Variants in ALYREF observed in about 807,000 individuals in gnomAD.
ALYREF encodes Aly/REF export factor, also known as THO complex subunit 4.
ALYREF carries 1 observed loss-of-function variant against 25.2 expected under a neutral mutation model. The observed-to-expected ratio is 0.04, with a 90% CI of 0.01 to 0.19. The LOEUF (loss-of-function observed/expected upper bound fraction) is 0.19. Among genes scored for constraint, ALYREF ranks in the 10% least tolerant of loss-of-function variants. The pLI is 1.00. For missense variants in ALYREF, 328 were observed against 375.6 expected (o/e 0.87, Z 1.05); for synonymous variants, 193 against 153.5 (o/e 1.26, Z -1.90).
rs1489261258 is a variant in ALYREF, at chr17:81,890,597, T to C, written c.390+92A>G. The C allele has an allele frequency of 1.9e-6, 3 of 1,550,962 alleles. No homozygotes were observed. In the African/African-American group the frequency reaches 4.1e-5, roughly 21 times the overall value. On this transcript the variant is annotated intron_variant, in intron 2 of 5. Coordinates refer to ENST00000505490, the MANE Select transcript of ALYREF (RefSeq NM_005782.4). ...TCAGAGCTGGGAGGGCTCCCTTCGC[T>C]AAGGCGGGAAGGGGACTCAGGGCCA...
chr17:81,888,680 G>A lies in ALYREF; in HGVS notation c.539-97C>T. On this transcript the variant is annotated intron_variant, in intron 3 of 5. Coordinates refer to ENST00000505490, the MANE Select transcript of ALYREF (RefSeq NM_005782.4). This position sits in a 1 kb window ranked among gnomAD's most constrained non-coding sequence, Gnocchi z 5.8. ...TGGTCTCCATGCAAACACTGGAAAG[G>A]GCCTCTGTGCGTCTCAAATGCCCCC... is the stretch of plus-strand genomic sequence containing the variant. 5 of 1,527,342 alleles carry A rather than the reference G, an allele frequency of 3.3e-6. No individual in the cohort carries two copies. The highest frequency in any genetic ancestry group is 3.5e-6 in the Non-Finnish European group (4 of 1,130,362). The allele number at this position is 1,527,342 out of a possible 1,614,324, so 94.6% of individuals were successfully genotyped here. A position where few individuals can be genotyped will look rare whatever the true frequency, so the allele number is the denominator to read the frequency against.
In ALYREF at chr17:81,887,979, A is replaced by T; in HGVS notation, c.*152T>A. The stretch of plus-strand genomic sequence containing the variant: ...GAATTAAAAAAAAAAAAAAAGAAAA[A>T]AAAAAAACCTTTACATGAGTTTTTA... On this transcript the variant is annotated 3_prime_UTR_variant, in exon 6 of 6. Coordinates refer to ENST00000505490, the MANE Select transcript of ALYREF (RefSeq NM_005782.4). 1.1e-6 allele frequency: 1 copy of T among 936,994 alleles called. No homozygotes were observed. Among genetic ancestry groups the T allele is most frequent in the Non-Finnish European group, 1.5e-6 (1 of 669,034 alleles). The allele number at this position is 936,994 out of a possible 1,614,324, so 58.0% of individuals were successfully genotyped here. A position where few individuals can be genotyped will look rare whatever the true frequency, so the allele number is the denominator to read the frequency against.
At position 81,890,722 on chromosome 17, in the gene ALYREF, A is replaced by G. The variant is rs775928726; in HGVS notation, c.357T>C (p.Asn119=). 6.2e-7 allele frequency: 1 copy of G among 1,613,824 alleles called. No homozygotes were observed. The highest frequency in any genetic ancestry group is 8.5e-7 in the Non-Finnish European group (1 of 1,179,970). Residue 119 remains asparagine, a synonymous_variant, in exon 2 of 6, where the codon AAT becomes AAC. Coordinates refer to ENST00000505490, the MANE Select transcript of ALYREF (RefSeq NM_005782.4). ...CGGCGTCTGAGACTCCAAAATCCAG[A>G]TTGGACACCAGCAGTTTCCCACCTG... ...VETGGKLLVS[N]LDFGVSDADI...
intron 2 of ALYREF, among the ~76,000 whole-genome samples, chr17:81,890,339 C>T (rs1039067121): frequency 2.0e-5 from 3 of 152,136 alleles, no homozygotes; most frequent in Non-Finnish European, 2.9e-5. Context: ...TCACATTAAC[C>T]CACTAAGACA....
intron 2 of ALYREF, 32 bp from the exon 3 acceptor site, chr17:81,889,361 G>A (rs774454095): frequency 1.5e-5 from 24 of 1,607,360 alleles, no homozygotes; most frequent in Middle Eastern, 3.3e-4. Flanking sequence ...TGTCAGAAAA[G>A]CAACAAAACT....
chr17:81,890,724 T>C lies in ALYREF; in HGVS notation c.355A>G (p.Asn119Asp), dbSNP rs750225070. Residue 119 changes from asparagine to aspartate, a missense_variant, in exon 2 of 6, where the codon AAT becomes GAT. Coordinates refer to ENST00000505490, the MANE Select transcript of ALYREF (RefSeq NM_005782.4). ...VETGGKLLVS[N>D]LDFGVSDADI... Reference sequence around the variant, plus strand: ...GCGTCTGAGACTCCAAAATCCAGATTGGACACCAGCAGTTTCCCACCTGTC... The same window carrying C: ...GCGTCTGAGACTCCAAAATCCAGATCGGACACCAGCAGTTTCCCACCTGTC... 3 of 1,613,822 alleles carry C rather than the reference T, an allele frequency of 1.9e-6. No homozygotes were observed. The highest frequency in any genetic ancestry group is 2.5e-6 in the Non-Finnish European group (3 of 1,179,986).
rs1285442818 is a variant in ALYREF at position 81,890,327 on chromosome 17, T to C, written c.390+362A>G. ...CAAGATACATAAAGAAGATTCTTTTTCTCACATTAACCCACTAAGACAGGC... is the reference window on the plus strand; with the variant it reads ...CAAGATACATAAAGAAGATTCTTTTCCTCACATTAACCCACTAAGACAGGC... On this transcript the variant is annotated intron_variant, in intron 2 of 5. Coordinates refer to ENST00000505490, the MANE Select transcript of ALYREF (RefSeq NM_005782.4). 2.0e-5 allele frequency among the ~76,000 whole-genome samples: 3 copies of C among 152,106 alleles called. No homozygotes were observed. In the East Asian group the frequency reaches 5.8e-4, roughly 29 times the overall value.
chr17:81,888,245 G>A lies in ALYREF; in HGVS notation c.776C>T (p.Ala259Val). 6.2e-7 allele frequency: 1 copy of A among 1,611,870 alleles called. No homozygotes were observed. The highest frequency in any genetic ancestry group is 8.5e-7 in the Non-Finnish European group (1 of 1,178,998). Residue 259 changes from alanine to valine, a missense_variant, in exon 5 of 6, where the codon GCG becomes GTG. This residue lies in a region of ALYREF where 108 missense variants were observed against 110.5 expected (regional missense o/e 0.98). Transcript: ENST00000505490. This position sits in a 1 kb window ranked among gnomAD's most constrained non-coding sequence, Gnocchi z 5.8. ...GCTGGCTCCCCCGGGACTCACTCTC[G>A]CATTATAGGCGTCCAGCTGGGCATC... ...ELDAQLDAYNARMDTS is the reference protein window; with the variant it reads ...ELDAQLDAYNVRMDTS
chr17:81,889,395 A>T (rs2039472535), intron 2 of ALYREF, 66 bp from the exon 3 acceptor site: 8 of 1,581,838 alleles, frequency 5.1e-6, no homozygotes, highest in Non-Finnish European at 6.9e-6. Context: ...TGGCCCAGGG[A>T]CAGGCCCTGG....
At chr17:81,890,555 G>A (rs1264756257) in intron 2 of ALYREF, 134 bp downstream of exon 2, 23 of 1,356,412 alleles carry the variant, frequency 1.7e-5, no homozygotes, top group Non-Finnish European at 2.2e-5. Flanking sequence ...CTAGCACTGG[G>A]TCTGTCCTGC....
intron 2 of ALYREF, 54 bp from the exon 3 acceptor site, chr17:81,889,383 G>A (rs2039472362): frequency 3.8e-6 from 6 of 1,598,400 alleles, no homozygotes; most frequent in Non-Finnish European, 3.4e-6. Flanking sequence ...CGTTCCTTCT[G>A]GTGGCCCAGG....
Position 81,888,247 on chromosome 17 carries a change from A to G in ALYREF, c.774T>C (p.Asn258=), listed in dbSNP as rs770009324. The change falls in exon 5 of 6, where the codon AAT becomes AAC. Residue 258 remains asparagine, a synonymous_variant. Coordinates refer to ENST00000505490, the MANE Select transcript of ALYREF (RefSeq NM_005782.4). The surrounding 1 kb of genome is among the most constrained non-coding windows in gnomAD (Gnocchi z 5.8). ...EELDAQLDAY[N]ARMDTS is the part of the protein sequence containing the mutation. Reference sequence around the variant, plus strand: ...TGGCTCCCCCGGGACTCACTCTCGCATTATAGGCGTCCAGCTGGGCATCCA... The same window carrying G: ...TGGCTCCCCCGGGACTCACTCTCGCGTTATAGGCGTCCAGCTGGGCATCCA... The G allele has an allele frequency of 1.9e-6, 3 of 1,612,340 alleles. No individual in the cohort carries two copies. Among genetic ancestry groups the G allele is most frequent in the South Asian group, 1.1e-5 (1 of 91,072 alleles).
intron 2 of ALYREF, among the ~76,000 whole-genome samples, chr17:81,890,147 T>C (rs929214796): frequency 1.3e-5 from 2 of 152,112 alleles, no homozygotes; most frequent in African/African-American, 4.8e-5. Context: ...ATTTTTCTTT[T>C]TTTAAAAAAG....
chr17:81,889,086 C>T, intron 3 of ALYREF, 96 bp downstream of exon 3: 6 of 1,532,344 alleles, frequency 3.9e-6, no homozygotes, highest in Non-Finnish European at 5.3e-6. Context: ...GCAAAGTGTC[C>T]TCAGCCACAG....
Position 81,888,079 on chromosome 17 carries a change from G to A in ALYREF, c.*52C>T, listed in dbSNP as rs1484367107. 30 of 1,612,484 alleles carry A rather than the reference G, an allele frequency of 1.9e-5. No individual in the cohort carries two copies. Among genetic ancestry groups the A allele is most frequent in the Non-Finnish European group, 2.5e-5 (29 of 1,179,554 alleles). ...CCCCAGCCACCGCCCCCCAACCAGGGAGCAAGAGGAGACGCCTGGGTCCTG... is the reference window on the plus strand; with the variant it reads ...CCCCAGCCACCGCCCCCCAACCAGGAAGCAAGAGGAGACGCCTGGGTCCTG... On this transcript the variant is annotated 3_prime_UTR_variant, in exon 6 of 6. Transcript: ENST00000505490. This position sits in a 1 kb window ranked among gnomAD's most constrained non-coding sequence, Gnocchi z 5.8.
Position 81,891,040 on chromosome 17 carries a change from C to T in ALYREF, c.259-220G>A, listed in dbSNP as rs1202846776. ...GTTCCCTTAGACTAACTTCCCGCCGCCTGTGCCGCGCCCAGCGTCCCCTCC... is the reference window on the plus strand; with the variant it reads ...GTTCCCTTAGACTAACTTCCCGCCGTCTGTGCCGCGCCCAGCGTCCCCTCC... On this transcript the variant is annotated intron_variant, in intron 1 of 5. Transcript: ENST00000505490. 2.6e-5 allele frequency: 19 copies of T among 729,100 alleles called. No individual in the cohort carries two copies. The Middle Eastern group carries it at 1.2e-3, about 46-fold the overall frequency. 45.2% of individuals were successfully genotyped at this position (729,100 alleles called of 1,614,324 possible).
rs1335063790 is a variant in ALYREF at position 81,888,158 on chromosome 17, G to A, written c.781-13C>T. ...AACTGGTGTCCATCTGAAACACAGA[G>A]GAGAAAGAGGCTTGCATTCACAGGC... is the stretch of plus-strand genomic sequence containing the variant. On this transcript the variant is annotated splice_polypyrimidine_tract_variant and intron_variant, in intron 5 of 5. Coordinates refer to ENST00000505490, the MANE Select transcript of ALYREF (RefSeq NM_005782.4). This position sits in a 1 kb window ranked among gnomAD's most constrained non-coding sequence, Gnocchi z 5.8. 8 of 1,614,000 alleles carry A rather than the reference G, an allele frequency of 5.0e-6. No homozygotes were observed. The highest frequency in any genetic ancestry group is 5.1e-6 in the Non-Finnish European group (6 of 1,180,030).
In ALYREF at chr17:81,891,476, G is replaced by A. The variant is rs1567864182; in HGVS notation, c.105C>T (p.Gly35=). Residue 35 remains glycine (G), a synonymous_variant, in exon 1 of 6, where the codon GGC becomes GGT. Transcript: ENST00000505490. ...CGCCCTGGGAGCCGGCCCGGCCGCG[G>A]CCCCGGCCCCCGCCCCGGCCGCCTC... ...SQRGGRGGGR[G]RGRAGSQGGR... is the part of the protein sequence containing the mutation. The A allele has an allele frequency of 8.4e-7, 1 of 1,184,224 alleles. No individual in the cohort carries two copies. The highest frequency in any genetic ancestry group is 2.0e-5 in the South Asian group (1 of 50,044). 73.4% of individuals were successfully genotyped at this position (1,184,224 alleles called of 1,614,324 possible). A position where few individuals can be genotyped will look rare whatever the true frequency, so the allele number is the denominator to read the frequency against.
Position 81,888,225 on chromosome 17 carries a change from C to T in ALYREF, c.780+16G>A, listed in dbSNP as rs1441582304. The T allele has an allele frequency of 6.2e-7, 1 of 1,613,594 alleles. No homozygotes were observed. Among genetic ancestry groups the T allele is most frequent in the Non-Finnish European group, 8.5e-7 (1 of 1,179,940 alleles). On this transcript the variant is annotated intron_variant, in intron 5 of 5. Coordinates refer to ENST00000505490, the MANE Select transcript of ALYREF (RefSeq NM_005782.4). The surrounding 1 kb of genome is among the most constrained non-coding windows in gnomAD (Gnocchi z 5.8). Reference sequence around the variant, plus strand: ...CGGCTTTGACCAGGCCCCCAGCTGGCTCCCCCGGGACTCACTCTCGCATTA... The same window carrying T: ...CGGCTTTGACCAGGCCCCCAGCTGGTTCCCCCGGGACTCACTCTCGCATTA...
Sources: allele counts gnomAD v4.1 joint callset (sites outside exome capture counted in the v4.1 genomes callset), GRCh38; gene constraint gnomAD v4.1.1; regional missense constraint gnomAD v4.1.1; non-coding constraint Gnocchi (gnomAD v3.1); transcripts MANE v1.5; gene names NCBI Gene and HGNC (gene_info 2026-07-23, HGNC 2026-07-21).